The following ADAMTS17 variants were observed in gnomAD, a reference collection of about 807,000 sequenced individuals.
The protein encoded by ADAMTS17 is ADAM metallopeptidase with thrombospondin type 1 motif 17.
In ADAMTS17, 113 loss-of-function variants were observed where a neutral mutation model predicts 141.5. That is an observed-to-expected ratio of 0.80 (90% CI 0.69 to 0.93). ADAMTS17 has a LOEUF of 0.93. Among genes scored for constraint, ADAMTS17 ranks in the 40% least tolerant of loss-of-function variants. ADAMTS17 has a pLI of 0.00. For synonymous variants in ADAMTS17, 768 were observed against 630.6 expected (o/e 1.22, Z -3.27); for missense variants, 1,659 against 1,517.9 (o/e 1.09, Z -1.54).
At chr15:100,096,901 C>G (rs1292467247) in intron 14 of ADAMTS17, among the ~76,000 whole-genome samples, 1 of 152,226 alleles carries the variant, frequency 6.6e-6, no homozygotes, top group African/African-American at 2.4e-5. Flanking sequence ...TGCAACTTGG[C>G]TGAAACAACC....
intron 15 of ADAMTS17, among the ~76,000 whole-genome samples, chr15:100,073,923 G>T (rs11852721): frequency 0.69 from 105,349 of 151,770 alleles, 37,833 homozygotes; most frequent in South Asian, 0.8. Flanking sequence ...ATTAAAAAAA[G>T]GCAACTGATT....
intron 4 of ADAMTS17, among the ~76,000 whole-genome samples, chr15:100,266,095 C>T (rs908680484): frequency 1.3e-5 from 2 of 152,192 alleles, no homozygotes; most frequent in African/African-American, 4.8e-5. Flanking sequence ...CCTGGAACAG[C>T]TCAGGTTTTT....
intron 3 of ADAMTS17, among the ~76,000 whole-genome samples, chr15:100,321,880 CTGTT>C (rs1198181037): frequency 6.6e-6 from 1 of 152,190 alleles, no homozygotes; most frequent in Non-Finnish European, 1.5e-5. Flanking sequence ...AATATATAAT[CTGTT>C]TGCAGTAATT....
intron 7 of ADAMTS17, among the ~76,000 whole-genome samples, chr15:100,252,536 G>A (rs2043186208): frequency 6.6e-6 from 1 of 152,188 alleles, no homozygotes; most frequent in African/African-American, 2.4e-5. Flanking sequence ...GGGTACTGTG[G>A]CCAAGCCTGA....
intron 7 of ADAMTS17, among the ~76,000 whole-genome samples, chr15:100,216,143 T>A (rs986147131): frequency 6.6e-6 from 1 of 152,198 alleles, no homozygotes; most frequent in African/African-American, 2.4e-5. Context: ...TTGTGCCCCC[T>A]TTTGTAAGAT....
chr15:100,329,098 C>T (rs2045974112), intron 3 of ADAMTS17, among the ~76,000 whole-genome samples: 1 of 152,072 alleles, frequency 6.6e-6, no homozygotes, highest in African/African-American at 2.4e-5. Context: ...GTGGGTGGGA[C>T]CCAGGCGTGA....
At chr15:100,082,667 G>A (rs867525841) in intron 15 of ADAMTS17, among the ~76,000 whole-genome samples, 1 of 150,568 alleles carries the variant, frequency 6.6e-6, no homozygotes, top group Admixed American at 6.6e-5. Context: ...CCTTCCCATG[G>A]CATTCTGTTC....
At chr15:99,983,358 T>C (rs763209803) in intron 20 of ADAMTS17, among the ~76,000 whole-genome samples, 1 of 152,086 alleles carries the variant, frequency 6.6e-6, no homozygotes, top group Non-Finnish European at 1.5e-5. Context: ...AGAGCGTCCA[T>C]GTAAGTCTTC....
At chr15:100,254,248 A>G in intron 6 of ADAMTS17, 69 bp from the exon 7 acceptor site, 2 of 1,389,348 alleles carry the variant, frequency 1.4e-6, no homozygotes, top group East Asian at 4.6e-5. Context: ...AAACACTGTG[A>G]ATTAACCTCA....
intron 7 of ADAMTS17, among the ~76,000 whole-genome samples, chr15:100,246,796 T>C (rs1250878199): frequency 1.3e-5 from 2 of 152,228 alleles, no homozygotes; most frequent in Admixed American, 1.3e-4. Flanking sequence ...GCTAGTGATA[T>C]TATTTTTTCA....
At chr15:100,169,939 A>G (rs2141463936) in intron 8 of ADAMTS17, among the ~76,000 whole-genome samples, 1 of 152,320 alleles carries the variant, frequency 6.6e-6, no homozygotes, top group East Asian at 1.9e-4. Context: ...GTTCCAGGGC[A>G]TTCAGGAGGC....
intron 3 of ADAMTS17, among the ~76,000 whole-genome samples, chr15:100,308,017 T>C (rs1357159574): frequency 6.6e-6 from 1 of 152,254 alleles, no homozygotes; most frequent in African/African-American, 2.4e-5. Flanking sequence ...ACGTCTCCAC[T>C]TTACAGAATT....
In ADAMTS17 at chr15:100,188,581, T is replaced by C. The variant is rs536282367; in HGVS notation, c.1181+10737A>G. On this transcript the variant is annotated intron_variant, in intron 8 of 21. Transcript: ENST00000268070. ...GCATGTTTCCATACAAGTTTGTAAATATCCAAGAGTTTGATGTGCTCAAGT... is the reference window on the plus strand; with the variant it reads ...GCATGTTTCCATACAAGTTTGTAAACATCCAAGAGTTTGATGTGCTCAAGT... 2.0e-5 allele frequency among the ~76,000 whole-genome samples: 3 copies of C among 152,302 alleles called. No individual in the cohort carries two copies. The South Asian group carries it at 6.2e-4, about 32-fold the overall frequency.
At chr15:100,051,818 G>T in intron 16 of ADAMTS17, 87 bp from the exon 17 acceptor site, 1 of 1,547,404 alleles carries the variant, frequency 6.5e-7, no homozygotes, top group Non-Finnish European at 8.9e-7. Flanking sequence ...GCACACTGCG[G>T]CTGTTTCTTT....
At chr15:100,322,424 C>G (rs980167304) in intron 3 of ADAMTS17, among the ~76,000 whole-genome samples, 1 of 152,202 alleles carries the variant, frequency 6.6e-6, no homozygotes, top group Non-Finnish European at 1.5e-5. Flanking sequence ...ACCCAAGATA[C>G]AAATTCTGCA....
At chr15:100,230,452 C>T (rs1270498035) in intron 7 of ADAMTS17, among the ~76,000 whole-genome samples, 2 of 152,196 alleles carry the variant, frequency 1.3e-5, no homozygotes, top group Non-Finnish European at 2.9e-5. Context: ...CCAAACCTCA[C>T]AGCAGGGAGG....
At chr15:100,223,684 T>C (rs2042206688) in intron 7 of ADAMTS17, among the ~76,000 whole-genome samples, 1 of 149,706 alleles carries the variant, frequency 6.7e-6, no homozygotes, top group Non-Finnish European at 1.5e-5. Flanking sequence ...CACACACATA[T>C]ATGTGTATAT....
intron 19 of ADAMTS17, among the ~76,000 whole-genome samples, chr15:99,996,054 ATTTTT>A (rs200543255): frequency 7.3e-6 from 1 of 137,524 alleles, no homozygotes; most frequent in Non-Finnish European, 1.6e-5. Context: ...GTCTGAGTGG[ATTTTT>A]TTTTTTTTTT....
Position 99,993,814 on chromosome 15 carries a change from C to T in ADAMTS17, c.2797-614G>A, listed in dbSNP as rs1022004295. On this transcript the variant is annotated intron_variant, in intron 19 of 21. Transcript: ENST00000268070. The surrounding 1 kb of genome is among the most constrained non-coding windows in gnomAD (Gnocchi z 4.3). ...TGCAGACACCAAGAATGGTGACAGA[C>T]GCATGGCCCCTGTGGTAGTTTACTT... Among the ~76,000 whole-genome samples the T allele has an allele frequency of 2.6e-5, 4 of 152,108 alleles. No individual in the cohort carries two copies. The highest frequency in any genetic ancestry group is 7.3e-5 in the African/African-American group (3 of 41,376).
Sources: allele counts gnomAD v4.1 joint callset (sites outside exome capture counted in the v4.1 genomes callset), GRCh38; gene constraint gnomAD v4.1.1; non-coding constraint Gnocchi (gnomAD v3.1); transcripts MANE v1.5; gene names NCBI Gene and HGNC (gene_info 2026-07-23, HGNC 2026-07-21).